Variants in PRKCD observed in about 807,000 individuals in gnomAD.
The protein encoded by PRKCD is protein kinase C delta type.
A neutral mutation model predicts 82.2 loss-of-function variants in PRKCD; 20 were observed. The observed-to-expected ratio is 0.24, with a 90% CI of 0.17 to 0.35. PRKCD has a LOEUF of 0.35. Among genes scored for constraint, PRKCD ranks in the 10% least tolerant of loss-of-function variants. The pLI is 1.00. For synonymous variants in PRKCD, 317 were observed against 337.0 expected, an observed-to-expected ratio of 0.94 and a Z score of 0.65; for missense variants, 607 against 899.0, an observed-to-expected ratio of 0.68 and a Z score of 4.15.
intron 9 of PRKCD, among the ~76,000 whole-genome samples, chr3:53,184,326 C>G (rs1553668482): frequency 9.4e-6 from 1 of 106,942 alleles, no homozygotes; most frequent in African/African-American, 3.1e-5. Context: ...CAGAGTGAGA[C>G]TCCGTCTCAA....
chr3:53,165,020 C>G (rs1702788685), intron 1 of PRKCD, 84 bp from the exon 2 acceptor site: 1 of 152,188 alleles, frequency 6.6e-6, no homozygotes, highest in African/African-American at 2.4e-5. Flanking sequence ...TGAACTGGGC[C>G]CGTCAGCCAT....
At position 53,185,727 on chromosome 3, in the gene PRKCD, C is replaced by T. The variant is rs147075550; in HGVS notation, c.985+27C>T. The T allele has an allele frequency of 3.7e-5, 60 of 1,606,444 alleles. No homozygotes were observed. The Middle Eastern group carries it at 5.0e-4, about 13-fold the overall frequency. On this transcript the variant is annotated intron_variant, in intron 11 of 18. Transcript: ENST00000330452. ...TGAAGCTGGGTCCATTGCCCCATTA[C>T]GGTTTTTATTCCCCCTGAGGCCAAA...
intron 3 of PRKCD, 43 bp downstream of exon 3, chr3:53,178,580 G>A (rs2107253699): frequency 6.5e-7 from 1 of 1,548,472 alleles, no homozygotes; most frequent in Non-Finnish European, 8.8e-7. Context: ...TGGGAATCTG[G>A]GCCCAGCTGG....
chr3:53,164,059 G>T (rs554197807), intron 1 of PRKCD, among the ~76,000 whole-genome samples: 1 of 152,196 alleles, frequency 6.6e-6, no homozygotes, highest in Non-Finnish European at 1.5e-5. Flanking sequence ...GGTGATGGGG[G>T]TCTCCAGCTG....
chr3:53,166,278 T>C (rs1183013204), intron 2 of PRKCD, among the ~76,000 whole-genome samples: 1 of 152,146 alleles, frequency 6.6e-6, no homozygotes, highest in Non-Finnish European at 1.5e-5. Flanking sequence ...AAACCTGGTG[T>C]GGAGGAAGTA....
chr3:53,183,708 G>A (rs1703558145), intron 9 of PRKCD, 127 bp downstream of exon 9: 1 of 1,355,400 alleles, frequency 7.4e-7, no homozygotes, highest in Non-Finnish European at 1.0e-6. Flanking sequence ...GGGACCTGAT[G>A]AGGGTGAGGC....
Position 53,169,319 on chromosome 3 carries a change from G to A in PRKCD, c.-20+4104G>A, listed in dbSNP as rs1332546792. ...GTCTGGGCCCAAAGTAGAGACGGGAGCCTAAAGCCAGGATTGGGGAGGAGA... is the reference window on the plus strand; with the variant it reads ...GTCTGGGCCCAAAGTAGAGACGGGAACCTAAAGCCAGGATTGGGGAGGAGA... On this transcript the variant is annotated intron_variant, in intron 2 of 18. Coordinates refer to ENST00000330452, the MANE Select transcript of PRKCD (RefSeq NM_006254.4). The surrounding 1 kb of genome is among the most constrained non-coding windows in gnomAD (Gnocchi z 4.7). 4.6e-5 allele frequency among the ~76,000 whole-genome samples: 7 copies of A among 152,160 alleles called. No individual in the cohort carries two copies. The highest frequency in any genetic ancestry group is 8.8e-5 in the Non-Finnish European group (6 of 68,024).
chr3:53,170,238 A>G (rs1374155907), intron 2 of PRKCD, among the ~76,000 whole-genome samples: 2 of 152,156 alleles, frequency 1.3e-5, no homozygotes, highest in African/African-American at 4.8e-5. Flanking sequence ...CCCTCACCCC[A>G]TTGGAGGCCA....
At position 53,183,497 on chromosome 3, in the gene PRKCD, G is replaced by A. The variant is rs782573482; in HGVS notation, c.703G>A (p.Val235Ile). 8.1e-6 allele frequency: 13 copies of A among 1,614,076 alleles called. No individual in the cohort carries two copies. The highest frequency in any genetic ancestry group is 1.1e-5 in the South Asian group (1 of 91,096). ...CATCGACATGCCGCACCGCTTCAAG[G>A]TTCACAACTACATGAGCCCCACCTT... is the stretch of plus-strand genomic sequence containing the variant. ...FNIDMPHRFK[V>I]HNYMSPTFCD... The change falls in exon 9 of 19, where the codon GTT (valine) becomes ATT (isoleucine). Residue 235 changes from valine (V) to isoleucine (I), a missense_variant. Val to Ile is a conservative substitution (Grantham distance 29, BLOSUM62 3). Transcript: ENST00000330452.
chr3:53,191,988 G>C, intron 18 of PRKCD, 120 bp from the exon 19 acceptor site: 1 of 1,020,344 alleles, frequency 9.8e-7, no homozygotes, highest in South Asian at 1.5e-5. Flanking sequence ...GGGAGGCTCT[G>C]TCTTCTGTTC....
chr3:53,178,509 C>T lies in PRKCD; in HGVS notation c.87C>T (p.Ala29=), dbSNP rs782362492. The T allele has an allele frequency of 1.2e-5, 19 of 1,613,112 alleles. No homozygotes were observed. Among genetic ancestry groups the T allele is most frequent in the Admixed American group, 3.3e-5 (2 of 59,996 alleles). ...AEDEANQPFC[A]VKMKEALSTE... ...ACGAGGCGAACCAGCCCTTCTGTGC[C>T]GTGAAGATGAAGGAGGCGCTCAGCA... is the stretch of plus-strand genomic sequence containing the variant. The change falls in exon 3 of 19, where the codon GCC becomes GCT. Residue 29 remains alanine (A), a synonymous_variant. Transcript: ENST00000330452.
intron 2 of PRKCD, among the ~76,000 whole-genome samples, chr3:53,175,023 C>T (rs2107243253): frequency 6.6e-6 from 1 of 152,348 alleles, no homozygotes; most frequent in East Asian, 1.9e-4. Flanking sequence ...TCTCCTCCAC[C>T]CTCCATGCAG....
At position 53,181,617 on chromosome 3, in the gene PRKCD, G is replaced by A. The variant is rs1703443890; in HGVS notation, c.539+11G>A. On this transcript the variant is annotated intron_variant, in intron 6 of 18. Coordinates refer to ENST00000330452, the MANE Select transcript of PRKCD (RefSeq NM_006254.4). ...CAAAGACTTTGTCTGGTGAGAACCG[G>A]CCATGCCCACTGGTGGTGGTGCAGG... is the stretch of plus-strand genomic sequence containing the variant. 2 of 1,614,188 alleles carry A rather than the reference G, an allele frequency of 1.2e-6. No homozygotes were observed. Among genetic ancestry groups the A allele is most frequent in the East Asian group, 4.5e-5 (2 of 44,882 alleles).
rs1703958642 is a variant in PRKCD at position 53,192,396 on chromosome 3, CG to C, written c.*131del. ...CTGCCCCCAGAGCGTCCTTGGCTGC[CG>C]TCTGGCCGGGCTCTCATGGTACTTC... is the stretch of plus-strand genomic sequence containing the variant. On this transcript the variant is annotated 3_prime_UTR_variant, in exon 19 of 19. Transcript: ENST00000330452. 8.9e-7 allele frequency: 1 copy of C among 1,119,760 alleles called. No homozygotes were observed. Among genetic ancestry groups the C allele is most frequent in the African/African-American group, 1.6e-5 (1 of 64,364 alleles). 69.4% of individuals were successfully genotyped at this position (1,119,760 alleles called of 1,614,324 possible).
intron 7 of PRKCD, among the ~76,000 whole-genome samples, chr3:53,182,882 CCTT>C (rs1424765129): frequency 6.6e-6 from 1 of 152,198 alleles, no homozygotes; most frequent in Non-Finnish European, 1.5e-5. Context: ...CACTAGGACT[CCTT>C]CTTTCTAAGC....
chr3:53,181,771 AT>A, intron 7 of PRKCD, 39 bp downstream of exon 7: 1 of 1,614,004 alleles, frequency 6.2e-7, no homozygotes, highest in South Asian at 1.1e-5. Context: ...GTATGTACCC[AT>A]GTGTGCTCAC....
At chr3:53,187,484 C>G in intron 15 of PRKCD, 82 bp downstream of exon 15, 1 of 1,444,526 alleles carries the variant, frequency 6.9e-7, no homozygotes, top group Non-Finnish European at 9.5e-7. Context: ...CAAGCAGGAT[C>G]CCCCCAACTC....
chr3:53,185,468 G>A, intron 10 of PRKCD, 136 bp from the exon 11 acceptor site: 1 of 724,346 alleles, frequency 1.4e-6, no homozygotes, highest in Admixed American at 2.3e-5. Flanking sequence ...CGCAGCCCGA[G>A]TAGGGGGCCT....
chr3:53,180,114 TGC>T (rs1434884719), intron 4 of PRKCD, among the ~76,000 whole-genome samples: 1 of 152,238 alleles, frequency 6.6e-6, no homozygotes, highest in Non-Finnish European at 1.5e-5. Flanking sequence ...ACATAGCAGG[TGC>T]TAAAGACGGC....
Sources: allele counts gnomAD v4.1 joint callset (sites outside exome capture counted in the v4.1 genomes callset), GRCh38; gene constraint gnomAD v4.1.1; non-coding constraint Gnocchi (gnomAD v3.1); transcripts MANE v1.5; gene names NCBI Gene and HGNC (gene_info 2026-07-23, HGNC 2026-07-21).